Variants in PDE1A observed in about 807,000 individuals in gnomAD.
PDE1A encodes the protein dual specificity calcium/calmodulin-dependent 3',5'-cyclic nucleotide phosphodiesterase 1A.
PDE1A carries 35 observed loss-of-function variants against 61.7 expected under a neutral mutation model. That is an observed-to-expected ratio of 0.57 (90% CI 0.43 to 0.75). PDE1A has a LOEUF of 0.75. Among genes scored for constraint, PDE1A ranks in the 30% least tolerant of loss-of-function variants. The probability of loss-of-function intolerance (pLI) is 0.00; values close to 1 mark genes in which losing one functional copy is unlikely to be tolerated. For synonymous variants in PDE1A, 232 were observed against 213.2 expected (o/e 1.09, Z -0.77); for missense variants, 597 against 630.6 (o/e 0.95, Z 0.57).
At chr2:182,147,572 T>C (rs1197406055) in intron 13 of PDE1A, among the ~76,000 whole-genome samples, 2 of 152,190 alleles carry the variant, frequency 1.3e-5, no homozygotes, top group Non-Finnish European at 2.9e-5. Context: ...TATGAAAGGA[T>C]AGTAGTGTTT....
At chr2:182,218,608 A>C (rs1034036960) in intron 7 of PDE1A, among the ~76,000 whole-genome samples, 18 of 152,078 alleles carry the variant, frequency 1.2e-4, no homozygotes, top group Non-Finnish European at 2.2e-4. Flanking sequence ...TCTAGTATAG[A>C]TATTCTTTAT....
chr2:182,380,168 T>A (rs1382300159), intron 1 of PDE1A, among the ~76,000 whole-genome samples: 1 of 141,826 alleles, frequency 7.1e-6, no homozygotes, highest in East Asian at 2.3e-4. Flanking sequence ...TGGAGTGCAG[T>A]GGCACGCTCT....
chr2:182,307,113 T>C (rs1015582881), intron 1 of PDE1A, among the ~76,000 whole-genome samples: 3 of 151,990 alleles, frequency 2.0e-5, no homozygotes, highest in African/African-American at 7.2e-5. Flanking sequence ...AGAAAACAAA[T>C]AACCTGATTA....
At chr2:182,207,371 G>C (rs1338677130) in intron 7 of PDE1A, among the ~76,000 whole-genome samples, 1 of 152,212 alleles carries the variant, frequency 6.6e-6, no homozygotes, top group Non-Finnish European at 1.5e-5. Flanking sequence ...CAAAAAGACT[G>C]ATGGCATTGT....
Position 182,228,591 on chromosome 2 carries a change from A to G in PDE1A, c.675+1415T>C, listed in dbSNP as rs561709256. On this transcript the variant is annotated intron_variant, in intron 6 of 13. Coordinates refer to ENST00000351439, the Ensembl canonical transcript of PDE1A. ...ACATGAAATTTAATAGTCACCTATC[A>G]CTACTTTTTAATGTAGAGAAAACTT... 2.0e-5 allele frequency among the ~76,000 whole-genome samples: 3 copies of G among 152,292 alleles called. No homozygotes were observed. The East Asian group carries it at 5.8e-4, about 29-fold the overall frequency.
chr2:182,184,570 T>C (rs10195097), intron 13 of PDE1A, among the ~76,000 whole-genome samples: 31,127 of 152,096 alleles, frequency 0.2, 3,420 homozygotes, highest in East Asian at 0.33. Flanking sequence ...TATAAGAAAA[T>C]ACTTGAGAAA....
At chr2:182,687,229 T>G in the PDE1A span, among the ~76,000 whole-genome samples, 3 of 152,214 alleles carry the variant, frequency 2.0e-5, no homozygotes, top group Admixed American at 2.0e-4. Context: ...ACGGACAGAC[T>G]GCCTCCTCAA....
chr2:182,476,501 T>A (rs913699688), intron 2 of PDE1A, among the ~76,000 whole-genome samples: 1 of 151,698 alleles, frequency 6.6e-6, no homozygotes, highest in African/African-American at 2.4e-5. Flanking sequence ...ATAAATAAAT[T>A]AATTAAATAA....
intron 1 of PDE1A, among the ~76,000 whole-genome samples, chr2:182,422,005 G>A (rs902818583): frequency 2.6e-5 from 4 of 152,114 alleles, no homozygotes; most frequent in Admixed American, 6.6e-5. Flanking sequence ...AGATACTTGC[G>A]AAAATAAAGC....
intron 2 of PDE1A, among the ~76,000 whole-genome samples, chr2:182,243,983 T>G (rs1369661914): frequency 6.6e-6 from 1 of 152,202 alleles, no homozygotes; most frequent in African/African-American, 2.4e-5. Context: ...TTCTCCTGCC[T>G]CAGCCTCCTG....
intron 1 of PDE1A, among the ~76,000 whole-genome samples, chr2:182,288,062 T>TC (rs34348001): frequency 0.29 from 43,485 of 152,034 alleles, 6,710 homozygotes; most frequent in Non-Finnish European, 0.34. Flanking sequence ...TATTGGTACT[T>TC]AAAACAATGA....
At chr2:182,422,378 G>A (rs1703335729) in intron 1 of PDE1A, among the ~76,000 whole-genome samples, 1 of 152,054 alleles carries the variant, frequency 6.6e-6, no homozygotes, top group Non-Finnish European at 1.5e-5. Context: ...GAGACAAATG[G>A]GGAAAATGCA....
chr2:182,286,972 G>C (rs1317736136), intron 1 of PDE1A, among the ~76,000 whole-genome samples: 1 of 152,002 alleles, frequency 6.6e-6, no homozygotes, highest in African/African-American at 2.4e-5. Context: ...TCACTCTTAT[G>C]TTTAAAATTT....
the PDE1A span, among the ~76,000 whole-genome samples, chr2:182,617,657 T>C: frequency 6.6e-6 from 1 of 152,210 alleles, no homozygotes. Flanking sequence ...GCCTCCTCTC[T>C]GAAGAACACA....
chr2:182,347,605 C>T (rs1024618755), intron 1 of PDE1A, among the ~76,000 whole-genome samples: 16 of 151,922 alleles, frequency 1.1e-4, no homozygotes, highest in East Asian at 7.7e-4. Context: ...TTTTTGTCCA[C>T]GTATTGAAAC....
At chr2:182,420,219 GT>G (rs1041301968) in intron 1 of PDE1A, among the ~76,000 whole-genome samples, 2 of 151,638 alleles carry the variant, frequency 1.3e-5, no homozygotes, top group African/African-American at 2.4e-5. Flanking sequence ...GTTTTGTTTT[GT>G]TTTTTTCACA....
intron 3 of PDE1A, among the ~76,000 whole-genome samples, chr2:182,237,764 G>T (rs1280273729): frequency 3.3e-5 from 5 of 152,214 alleles, no homozygotes; most frequent in Non-Finnish European, 7.3e-5. Flanking sequence ...CCATGTTGAA[G>T]GGTGGGGAGA....
At chr2:182,277,421 T>A (rs1693502344) in intron 1 of PDE1A, among the ~76,000 whole-genome samples, 1 of 152,100 alleles carries the variant, frequency 6.6e-6, no homozygotes, top group African/African-American at 2.4e-5. Flanking sequence ...GGGAATGCCA[T>A]CATCCATTTG....
At chr2:182,636,179 C>T in the PDE1A span, among the ~76,000 whole-genome samples, 1 of 151,608 alleles carries the variant, frequency 6.6e-6, no homozygotes, top group Non-Finnish European at 1.5e-5. Context: ...AGGATGGTCT[C>T]GATCTCCTGA....
Sources: gnomAD v4.1 joint callset for allele counts (sites outside exome capture counted in the v4.1 genomes callset) on GRCh38, gnomAD v4.1.1 for gene constraint, MANE v1.5 for transcripts, NCBI Gene and HGNC (gene_info 2026-07-23, HGNC 2026-07-21) for gene names.